Variants in ZNF24 observed in about 807,000 individuals in gnomAD.
ZNF24 encodes retinoic acid suppression protein A.
ZNF24 carries 11 observed loss-of-function variants against 40.9 expected under a neutral mutation model. The observed-to-expected ratio is 0.27, with a 90% CI of 0.17 to 0.45. ZNF24 has a LOEUF of 0.45. Ranked by LOEUF, ZNF24 falls within the 20% of genes least tolerant of loss-of-function variation. The pLI, the probability that ZNF24 is intolerant of heterozygous loss-of-function variation, is 1.00. For missense variants in ZNF24, 293 were observed against 437.7 expected (o/e 0.67, Z 2.95); for synonymous variants, 139 against 154.7 (o/e 0.90, Z 0.75).
rs1482908610 is a variant in ZNF24, at chr18:35,336,642, A to T, written c.*590T>A. 2.0e-5 allele frequency: 3 copies of T among 152,150 alleles called. No individual in the cohort carries two copies. The highest frequency in any genetic ancestry group is 7.2e-5 in the African/African-American group (3 of 41,438). 9.4% of individuals were successfully genotyped at this position (152,150 alleles called of 1,614,324 possible). A position where few individuals can be genotyped will look rare whatever the true frequency, so the allele number is the denominator to read the frequency against. The stretch of plus-strand genomic sequence containing the variant: ...TCAAAGTATTTGCATATCTTCCCCA[A>T]TCAAGGTGTTCCATTCACTTTTTGA... On this transcript the variant is annotated 3_prime_UTR_variant, in exon 4 of 4. Coordinates refer to ENST00000261332, the MANE Select transcript of ZNF24 (RefSeq NM_006965.4).
chr18:35,337,482 T>C lies in ZNF24; in HGVS notation c.857A>G (p.Lys286Arg). 1 of 1,613,740 alleles carries C rather than the reference T, an allele frequency of 6.2e-7. No homozygotes were observed. Among genetic ancestry groups the C allele is most frequent in the East Asian group, 2.2e-5 (1 of 44,874 alleles). Residue 286 changes from lysine (K) to arginine (R), a missense_variant, in exon 4 of 4, where the codon AAA (lysine) becomes AGA (arginine). Lys to Arg is a conservative substitution (Grantham distance 26, BLOSUM62 2). Transcript: ENST00000261332. ...EKPYGCVECG[K>R]AFSRSSILVQ... ...AAGAATGGAACTTCGGCTGAATGCT[T>C]TCCCACACTCAACACATCCATAAGG... is the stretch of plus-strand genomic sequence containing the variant.
chr18:35,342,855 G>A (rs2044982355), intron 1 of ZNF24, among the ~76,000 whole-genome samples: 1 of 152,158 alleles, frequency 6.6e-6, no homozygotes, highest in Non-Finnish European at 1.5e-5. Context: ...TACAGAAAAA[G>A]TTTGCCAATC....
chr18:35,338,102 AAAAAT>A (rs2044929512), intron 3 of ZNF24: 1 of 883,032 alleles, frequency 1.1e-6, no homozygotes, highest in Non-Finnish European at 1.4e-6. Context: ...TTGTAAGAAT[AAAAAT>A]AAAATAAAAT....
chr18:35,339,311 G>GA (rs1181997890), intron 3 of ZNF24, among the ~76,000 whole-genome samples: 1 of 151,806 alleles, frequency 6.6e-6, no homozygotes, highest in African/African-American at 2.4e-5. Flanking sequence ...TAAATACTTA[G>GA]AAAAAGGAAA....
chr18:35,339,019 A>T (rs1228353758), intron 3 of ZNF24: 1 of 1,535,906 alleles, frequency 6.5e-7, no homozygotes, highest in Non-Finnish European at 8.7e-7. Flanking sequence ...AAACCTGCTC[A>T]GACCTCATTC....
Position 35,339,820 on chromosome 18 carries a change from G to T in ZNF24, c.568+9C>A. ...CACCCTCTAGCCCACACAGAGTTCT[G>T]GTCCTCACCACAGTGCCTTAGGGAA... On this transcript the variant is annotated intron_variant, in intron 3 of 3. Coordinates refer to ENST00000261332, the MANE Select transcript of ZNF24 (RefSeq NM_006965.4). 6.3e-7 allele frequency: 1 copy of T among 1,593,648 alleles called. No homozygotes were observed. The highest frequency in any genetic ancestry group is 1.1e-5 in the South Asian group (1 of 89,738).
In ZNF24 at chr18:35,340,053, T is replaced by C. The variant is rs2044952714; in HGVS notation, c.421-77A>G. 1 of 1,539,254 alleles carries C rather than the reference T, an allele frequency of 6.5e-7. No homozygotes were observed. Among genetic ancestry groups the C allele is most frequent in the Non-Finnish European group, 8.8e-7 (1 of 1,132,166 alleles). On this transcript the variant is annotated intron_variant, in intron 2 of 3. Coordinates refer to ENST00000261332, the MANE Select transcript of ZNF24 (RefSeq NM_006965.4). This position sits in a 1 kb window ranked among gnomAD's most constrained non-coding sequence, Gnocchi z 4.6. ...CTAAAAACACGTAAGAGAAACCCCATGAAACAAATACTGCAGAAGCCTAGA... is the reference window on the plus strand; with the variant it reads ...CTAAAAACACGTAAGAGAAACCCCACGAAACAAATACTGCAGAAGCCTAGA...
In ZNF24 at chr18:35,337,210, TTC is replaced by T. The variant is rs751261950; in HGVS notation, c.*20_*21del. 14 of 1,430,052 alleles carry T rather than the reference TTC, an allele frequency of 9.8e-6. No homozygotes were observed. The East Asian group carries it at 1.9e-4, about 19-fold the overall frequency. The allele number at this position is 1,430,052 out of a possible 1,614,324, so 88.6% of individuals were successfully genotyped here. On this transcript the variant is annotated 3_prime_UTR_variant, in exon 4 of 4. Transcript: ENST00000261332. ...CTGAAGAAAAAGACCTGAGTGCTGA[TTC>T]TTTTTTTTTTTTCAATTTCTTAAAC...
In ZNF24 at chr18:35,340,806, GTAAAA is replaced by G. The variant is rs2044962416; in HGVS notation, c.-83-78_-83-74del. ...AGAATTTGAACTTATACTGGTAAAA[GTAAAA>G]GATACTTGTTCTTTGAGTTAAAAAT... On this transcript the variant is annotated intron_variant, in intron 1 of 3. Coordinates refer to ENST00000261332, the MANE Select transcript of ZNF24 (RefSeq NM_006965.4). This position sits in a 1 kb window ranked among gnomAD's most constrained non-coding sequence, Gnocchi z 4.6. 1.9e-5 allele frequency: 13 copies of G among 669,608 alleles called. No homozygotes were observed. Among genetic ancestry groups the G allele is most frequent in the Non-Finnish European group, 3.1e-5 (13 of 419,572 alleles). 41.5% of individuals were successfully genotyped at this position (669,608 alleles called of 1,614,324 possible).
At chr18:35,343,112 T>C (rs139733610) in intron 1 of ZNF24, among the ~76,000 whole-genome samples, 13 of 152,374 alleles carry the variant, frequency 8.5e-5, no homozygotes, top group African/African-American at 2.9e-4. Flanking sequence ...TGGACTTATA[T>C]GTGAAAAAAT....
At chr18:35,343,789 G>T in intron 1 of ZNF24, 2 of 152,728 alleles carry the variant, frequency 1.3e-5, no homozygotes, top group South Asian at 3.9e-4. Context: ...GACAATGTTT[G>T]GGCAGGGTAC....
chr18:35,339,879 T>C lies in ZNF24; in HGVS notation c.518A>G (p.Glu173Gly), dbSNP rs2044949607. 1 of 1,612,926 alleles carries C rather than the reference T, an allele frequency of 6.2e-7. No individual in the cohort carries two copies. Among genetic ancestry groups the C allele is most frequent in the Non-Finnish European group, 8.5e-7 (1 of 1,178,996 alleles). ...GLPSSELDAV[E>G]NQLKWASWEL... ...CCAGGATGCCCACTTGAGCTGGTTC[T>C]CCACAGCATCAAGCTCAGAACTTGG... The change falls in exon 3 of 4, where the codon GAG (glutamate) becomes GGG (glycine). Residue 173 changes from glutamate (E) to glycine (G), a missense_variant. Around this residue, in one of 2 missense-constraint regions of ZNF24, gnomAD observed 234 missense variants for 299.2 expected, o/e 0.78. Transcript: ENST00000261332.
chr18:35,344,111 G>C (rs984418280), intron 1 of ZNF24, among the ~76,000 whole-genome samples: 2 of 152,164 alleles, frequency 1.3e-5, no homozygotes, highest in Non-Finnish European at 2.9e-5. Flanking sequence ...CGGTGGGGGA[G>C]GGGGAAGGTG....
rs1246310310 is a variant in ZNF24 at position 35,340,529 on chromosome 18, G to A, written c.122C>T (p.Pro41Leu). ...CTCTGGGTCTGGGAGATGGTTCCAG[G>A]GGATACTTGATCCCTCTTCGCCATC... ...DPDGEEGSSI[P>L]WNHLPDPEIF... Residue 41 changes from proline (P) to leucine (L), a missense_variant, in exon 2 of 4, where the codon CCC becomes CTC. Pro to Leu is a moderately conservative substitution (Grantham distance 98). Around this residue, in one of 2 missense-constraint regions of ZNF24, gnomAD observed 234 missense variants for 299.2 expected, o/e 0.78. Transcript: ENST00000261332. This position sits in a 1 kb window ranked among gnomAD's most constrained non-coding sequence, Gnocchi z 4.6. 2 of 1,614,006 alleles carry A rather than the reference G, an allele frequency of 1.2e-6. No homozygotes were observed. The highest frequency in any genetic ancestry group is 1.7e-5 in the Admixed American group (1 of 59,994).
rs2044911065 is a variant in ZNF24 at position 35,336,466 on chromosome 18, CTG to C, written c.*764_*765del. On this transcript the variant is annotated 3_prime_UTR_variant, in exon 4 of 4. Transcript: ENST00000261332. ...AATTTCTACCTTCATTATTTTACAACTGTTTATTATTTAGACTGTATGCTTTT... is the reference window on the plus strand; with the variant it reads ...AATTTCTACCTTCATTATTTTACAACTTTATTATTTAGACTGTATGCTTTT... The C allele has an allele frequency of 6.6e-6, 1 of 152,122 alleles. No homozygotes were observed. The highest frequency in any genetic ancestry group is 2.1e-4 in the South Asian group (1 of 4,832). The allele number at this position is 152,122 out of a possible 1,614,324, so 9.4% of individuals were successfully genotyped here. A position where few individuals can be genotyped will look rare whatever the true frequency, so the allele number is the denominator to read the frequency against.
chr18:35,340,817 T>G lies in ZNF24; in HGVS notation c.-83-84A>C, dbSNP rs2044962496. ...TTATACTGGTAAAAGTAAAAGATAC[T>G]TGTTCTTTGAGTTAAAAATTCCAAT... is the stretch of plus-strand genomic sequence containing the variant. On this transcript the variant is annotated intron_variant, in intron 1 of 3. Transcript: ENST00000261332. The surrounding 1 kb of genome is among the most constrained non-coding windows in gnomAD (Gnocchi z 4.6). 2 of 652,716 alleles carry G rather than the reference T, an allele frequency of 3.1e-6. No homozygotes were observed. Among genetic ancestry groups the G allele is most frequent in the African/African-American group, 1.8e-5 (1 of 54,612 alleles). 40.4% of individuals were successfully genotyped at this position (652,716 alleles called of 1,614,324 possible).
In ZNF24 at chr18:35,335,711, C is replaced by T. The variant is rs1375618087; in HGVS notation, c.*1521G>A. On this transcript the variant is annotated 3_prime_UTR_variant, in exon 4 of 4. Coordinates refer to ENST00000261332, the MANE Select transcript of ZNF24 (RefSeq NM_006965.4). ...ATTCTCAGCCAAGGAGTATATAATC[C>T]TACTACTACAATGTATTACTTTAAT... The T allele has an allele frequency of 6.6e-6, 1 of 151,924 alleles. No homozygotes were observed. The highest frequency in any genetic ancestry group is 1.5e-5 in the Non-Finnish European group (1 of 67,994). 9.4% of individuals were successfully genotyped at this position (151,924 alleles called of 1,614,324 possible). A position where few individuals can be genotyped will look rare whatever the true frequency, so the allele number is the denominator to read the frequency against.
At chr18:35,343,707 A>C (rs1353676416) in intron 1 of ZNF24, 5 of 152,208 alleles carry the variant, frequency 3.3e-5, no homozygotes, top group African/African-American at 1.2e-4. Flanking sequence ...AAGTATTTCT[A>C]CATAATTTTC....
At chr18:35,343,989 A>T (rs2044993126) in intron 1 of ZNF24, 1 of 152,342 alleles carries the variant, frequency 6.6e-6, no homozygotes. Context: ...GGCCGGTGAG[A>T]CTACAAATCC....
Sources: allele counts gnomAD v4.1 joint callset (sites outside exome capture counted in the v4.1 genomes callset), GRCh38; gene constraint gnomAD v4.1.1; regional missense constraint gnomAD v4.1.1; non-coding constraint Gnocchi (gnomAD v3.1); transcripts MANE v1.5; gene names NCBI Gene and HGNC (gene_info 2026-07-23, HGNC 2026-07-21).